Variants in NAALADL2 observed in about 807,000 individuals in gnomAD.
The protein encoded by NAALADL2 is N-acetylated alpha-linked acidic dipeptidase like 2.
NAALADL2 carries 76 observed loss-of-function variants against 87.2 expected under a neutral mutation model. The observed-to-expected ratio is 0.87, with a 90% CI of 0.72 to 1.05. NAALADL2 has a LOEUF of 1.05. NAALADL2 is among the 50% of genes least tolerant of loss of function. The pLI is 0.00. For synonymous variants in NAALADL2, 354 were observed against 331.0 expected (o/e 1.07, Z -0.75); for missense variants, 1,089 against 945.8 (o/e 1.15, Z -1.99).
chr3:175,332,025 A>T (rs1381319243), intron 5 of NAALADL2, among the ~76,000 whole-genome samples: 1 of 152,180 alleles, frequency 6.6e-6, no homozygotes, highest in Non-Finnish European at 1.5e-5. Context: ...TAAACAAGGA[A>T]ATTAAAGACC....
At chr3:175,084,484 C>G (rs947506731) in intron 1 of NAALADL2, among the ~76,000 whole-genome samples, 2 of 152,162 alleles carry the variant, frequency 1.3e-5, no homozygotes, top group African/African-American at 4.8e-5. Flanking sequence ...TCTTGGTACT[C>G]AGGGCTATAA....
chr3:174,565,409 A>G (rs1714140086), intron 2 of NAALADL2, among the ~76,000 whole-genome samples: 1 of 152,050 alleles, frequency 6.6e-6, no homozygotes, highest in Non-Finnish European at 1.5e-5. Context: ...AACATCATGT[A>G]GTTGAAATCA....
intron 1 of NAALADL2, among the ~76,000 whole-genome samples, chr3:174,927,864 A>G (rs1041859901): frequency 1.4e-4 from 22 of 152,310 alleles, no homozygotes; most frequent in Admixed American, 2.6e-4. Context: ...AGATCAGAGC[A>G]TAACTAAAGG....
intron 2 of NAALADL2, among the ~76,000 whole-genome samples, chr3:174,616,007 T>C (rs1560095343): frequency 6.6e-6 from 1 of 151,942 alleles, no homozygotes; most frequent in East Asian, 1.9e-4. Context: ...AACAACTTAT[T>C]TGCACTTAAA....
intron 2 of NAALADL2, among the ~76,000 whole-genome samples, chr3:174,578,028 C>T (rs1715733274): frequency 1.3e-5 from 2 of 151,716 alleles, no homozygotes; most frequent in South Asian, 2.1e-4. Flanking sequence ...TTAGGAATGA[C>T]AGAAGAAATG....
At chr3:175,488,308 G>A (rs10513732) in intron 9 of NAALADL2, among the ~76,000 whole-genome samples, 14,060 of 152,270 alleles carry the variant, frequency 0.092, 829 homozygotes, top group East Asian at 0.25. Flanking sequence ...CTAGTGTTGA[G>A]TCTAGCTATA....
intron 11 of NAALADL2, among the ~76,000 whole-genome samples, chr3:175,677,403 A>AT (rs545152581): frequency 8.6e-5 from 13 of 151,034 alleles, no homozygotes; most frequent in East Asian, 5.9e-4. Flanking sequence ...CTGCTTGCCT[A>AT]TTTTTTTATC....
chr3:175,114,202 G>A (rs1724711560), intron 2 of NAALADL2, among the ~76,000 whole-genome samples: 1 of 151,526 alleles, frequency 6.6e-6, no homozygotes. Context: ...TTGTACTAAT[G>A]CAGGTATAGA....
At chr3:174,581,928 G>A (rs1207823024) in intron 2 of NAALADL2, among the ~76,000 whole-genome samples, 1 of 152,186 alleles carries the variant, frequency 6.6e-6, no homozygotes, top group Admixed American at 6.5e-5. Flanking sequence ...AAGCCATGAC[G>A]ATTTGGAAGT....
intron 1 of NAALADL2, among the ~76,000 whole-genome samples, chr3:174,875,319 G>A (rs1728371920): frequency 6.6e-6 from 1 of 151,958 alleles, no homozygotes. Context: ...AAAAAAGCAG[G>A]AGTGAAAAGA....
Position 175,228,347 on chromosome 3 carries a change from C to T in NAALADL2, c.546-5584C>T, listed in dbSNP as rs1260842069. ...CCTTGGATATTGTGGGAGTAGCAATCAATATCTACAAAGAAATCATGTCTA... is the reference window on the plus strand; with the variant it reads ...CCTTGGATATTGTGGGAGTAGCAATTAATATCTACAAAGAAATCATGTCTA... On this transcript the variant is annotated intron_variant, in intron 2 of 13. Transcript: ENST00000454872. 2.6e-5 allele frequency among the ~76,000 whole-genome samples: 4 copies of T among 151,866 alleles called. 1 individual carries two copies. Among genetic ancestry groups the T allele is most frequent in the Admixed American group, 2.6e-4 (4 of 15,204 alleles).
intron 1 of NAALADL2, among the ~76,000 whole-genome samples, chr3:175,051,205 C>G (rs1180670369): frequency 6.6e-6 from 1 of 152,178 alleles, no homozygotes; most frequent in East Asian, 1.9e-4. Flanking sequence ...TTCATTTACA[C>G]TTAGAGCCAA....
At chr3:174,457,968 A>G (rs1388371320) in intron 1 of NAALADL2, among the ~76,000 whole-genome samples, 1 of 152,136 alleles carries the variant, frequency 6.6e-6, no homozygotes, top group Admixed American at 6.6e-5. Flanking sequence ...GAGGTGAATG[A>G]CAGACACGTG....
intron 10 of NAALADL2, among the ~76,000 whole-genome samples, chr3:175,581,431 G>T (rs1353405334): frequency 1.3e-5 from 2 of 152,278 alleles, no homozygotes; most frequent in African/African-American, 4.8e-5. Flanking sequence ...GACAGCGTGA[G>T]ACTCTGTCTC....
At chr3:175,177,165 A>G (rs1735807947) in intron 2 of NAALADL2, among the ~76,000 whole-genome samples, 1 of 151,994 alleles carries the variant, frequency 6.6e-6, no homozygotes, top group Admixed American at 6.6e-5. Flanking sequence ...CATATGCTCC[A>G]GCTTCTTGTG....
chr3:175,603,709 C>T lies in NAALADL2; in HGVS notation c.1801-23582C>T, dbSNP rs143085562. On this transcript the variant is annotated intron_variant, in intron 10 of 13. Coordinates refer to ENST00000454872, the MANE Select transcript of NAALADL2 (RefSeq NM_207015.3). ...ATGTATAGGCTGCATTTTGCTTATC[C>T]GGTCATTTGTAGATGGATACTGGGT... is the stretch of plus-strand genomic sequence containing the variant. 9.1e-4 allele frequency among the ~76,000 whole-genome samples: 139 copies of T among 152,188 alleles called. 4 individuals carry two copies. The East Asian group carries it at 0.021, about 23-fold the overall frequency.
At position 175,649,407 on chromosome 3, in the gene NAALADL2, GAAA is replaced by G. The variant is rs547293804; in HGVS notation, c.1896+22037_1896+22039del. The stretch of plus-strand genomic sequence containing the variant: ...TCTTAACTGTCCCATAAGTGTCTCT[GAAA>G]AAAAAAAAAAAAAAATTGTTGGCAT... On this transcript the variant is annotated intron_variant, in intron 11 of 13. Transcript: ENST00000454872. Among the ~76,000 whole-genome samples, 1,115 of 128,874 alleles carry G rather than the reference GAAA, an allele frequency of 8.7e-3. 12 individuals carry two copies. Among genetic ancestry groups the G allele is most frequent in the African/African-American group, 0.028 (1,039 of 37,666 alleles). 84.5% of individuals were successfully genotyped at this position (128,874 alleles called of 152,430 possible).
rs141349262 is a variant in NAALADL2, at chr3:174,604,315, A to G, written c.-115+53678A>G. 1.1e-3 allele frequency among the ~76,000 whole-genome samples: 161 copies of G among 152,282 alleles called. 1 individual carries two copies. The highest frequency in any genetic ancestry group is 1.8e-3 in the Non-Finnish European group (120 of 68,010). On this transcript the variant is annotated intron_variant, in intron 2 of 3. Transcript: ENST00000434257. ...TGAATTGACCCCTTTATCATTATAT[A>G]GTGACCTTCTTTGTCTCTTTTAGTC...
intron 5 of NAALADL2, among the ~76,000 whole-genome samples, chr3:175,334,396 C>T (rs1560380383): frequency 6.6e-6 from 1 of 152,144 alleles, no homozygotes; most frequent in East Asian, 1.9e-4. Context: ...CCCTCACCAA[C>T]AGTGAGAGAC....
Sources: allele counts gnomAD v4.1 joint callset (sites outside exome capture counted in the v4.1 genomes callset), GRCh38; gene constraint gnomAD v4.1.1; transcripts MANE v1.5; gene names NCBI Gene and HGNC (gene_info 2026-07-23, HGNC 2026-07-21).